Variants in HADH observed in about 807,000 individuals in gnomAD.
HADH encodes hydroxyacyl-coenzyme A dehydrogenase, mitochondrial.
A neutral mutation model predicts 32.2 loss-of-function variants in HADH; 24 were observed. The ratio of observed to expected loss-of-function variants is 0.75; its 90% confidence interval spans 0.54 to 1.05. The LOEUF (loss-of-function observed/expected upper bound fraction) is 1.05, where lower values mean the gene tolerates loss of function less well. Among genes scored for constraint, HADH ranks in the 50% least tolerant of loss-of-function variants. The pLI is 0.00. For synonymous variants in HADH, 139 were observed against 152.5 expected (o/e 0.91, Z 0.65); for missense variants, 350 against 397.1 (o/e 0.88, Z 1.01).
intron 5 of HADH, chr4:108,027,385 G>T (rs960244138): frequency 1.4e-4 from 66 of 465,508 alleles, no homozygotes; most frequent in African/African-American, 1.2e-3. Flanking sequence ...ATTCAAGATT[G>T]AACCCAAATC....
chr4:108,010,354 A>C (rs1455624712), intron 2 of HADH, among the ~76,000 whole-genome samples: 1 of 152,054 alleles, frequency 6.6e-6, no homozygotes, highest in Non-Finnish European at 1.5e-5. Context: ...AATTTGAGGA[A>C]CTCTGTGGAG....
intron 2 of HADH, among the ~76,000 whole-genome samples, chr4:108,010,989 C>T (rs1735472191): frequency 6.6e-6 from 1 of 151,982 alleles, no homozygotes; most frequent in South Asian, 2.1e-4. Flanking sequence ...GCTGGGATTA[C>T]AGGCGCACGC....
chr4:107,989,960 C>A lies in HADH; in HGVS notation c.28C>A (p.Arg10Ser). 6.2e-7 allele frequency: 1 copy of A among 1,612,964 alleles called. No individual in the cohort carries two copies. The highest frequency in any genetic ancestry group is 1.7e-4 in the Middle Eastern group (1 of 6,054). The change falls in exon 1 of 8, where the codon CGT becomes AGT. Residue 10 changes from arginine to serine, a missense_variant. By Grantham distance (110) the Arg-to-Ser change is moderately radical. Coordinates refer to ENST00000309522, the MANE Select transcript of HADH (RefSeq NM_005327.7). MAFVTRQFMRSVSSSSTASA... is the reference protein window; with the variant it reads MAFVTRQFMSSVSSSSTASA... ...GGCCTTCGTCACCAGGCAGTTCATG[C>A]GTTCCGTGTCCTCCTCGTCCACCGC...
intron 1 of HADH, chr4:108,004,496 C>T: frequency 2.2e-6 from 1 of 456,224 alleles, no homozygotes; most frequent in Non-Finnish European, 3.8e-6. Flanking sequence ...TACTCCAGTG[C>T]AGCTGCCTGG....
At chr4:107,998,562 G>T (rs1198293916) in intron 1 of HADH, among the ~76,000 whole-genome samples, 1 of 152,128 alleles carries the variant, frequency 6.6e-6, no homozygotes, top group African/African-American at 2.4e-5. Flanking sequence ...GCAAGTGTGA[G>T]CTACCGCGCC....
At chr4:107,995,031 T>G (rs1221764802) in intron 1 of HADH, among the ~76,000 whole-genome samples, 1 of 152,088 alleles carries the variant, frequency 6.6e-6, no homozygotes, top group Non-Finnish European at 1.5e-5. Flanking sequence ...CTTGCTTGAG[T>G]TTCTTCTTTC....
intron 1 of HADH, among the ~76,000 whole-genome samples, chr4:108,003,012 A>G (rs1735167294): frequency 6.6e-6 from 1 of 152,070 alleles, no homozygotes; most frequent in Non-Finnish European, 1.5e-5. Flanking sequence ...CTTTGTTACT[A>G]ACCTTTATGA....
intron 1 of HADH, chr4:108,004,561 T>TAACC: frequency 9.1e-7 from 1 of 1,097,566 alleles, no homozygotes; most frequent in Admixed American, 2.5e-5. Flanking sequence ...AATCAACATG[T>TAACC]AACCAAAAGC....
At chr4:108,009,257 A>G (rs1735397365) in intron 1 of HADH, among the ~76,000 whole-genome samples, 1 of 152,216 alleles carries the variant, frequency 6.6e-6, no homozygotes, top group Admixed American at 6.5e-5. Flanking sequence ...CCAAGGAGAA[A>G]AGGATGGTGG....
intron 3 of HADH, among the ~76,000 whole-genome samples, chr4:108,017,661 TCTC>T (rs1229879532): frequency 6.6e-6 from 1 of 151,834 alleles, no homozygotes; most frequent in African/African-American, 2.4e-5. Flanking sequence ...TTCAAGCAAT[TCTC>T]CTGCCTCAGC....
intron 1 of HADH, chr4:108,005,000 T>G: frequency 9.6e-7 from 1 of 1,040,532 alleles, no homozygotes; most frequent in Non-Finnish European, 1.4e-6. Context: ...TGTATTCAGT[T>G]TAAATGTTTA....
chr4:108,000,171 T>C (rs991071735), intron 1 of HADH, among the ~76,000 whole-genome samples: 5 of 152,214 alleles, frequency 3.3e-5, no homozygotes, highest in African/African-American at 1.2e-4. Flanking sequence ...TTTCATCATC[T>C]AAAGTTGGTG....
At chr4:108,023,857 C>T (rs1407724940) in intron 5 of HADH, 3 of 338,430 alleles carry the variant, frequency 8.9e-6, no homozygotes, top group Non-Finnish European at 1.7e-5. Context: ...CTTTTGTCTC[C>T]TGATGAATGG....
chr4:107,998,125 T>C (rs1735010327), intron 1 of HADH, among the ~76,000 whole-genome samples: 1 of 152,092 alleles, frequency 6.6e-6, no homozygotes, highest in South Asian at 2.1e-4. Context: ...ATGAATGACA[T>C]TTGGTCAGGA....
At chr4:108,000,304 A>G (rs566546239) in intron 1 of HADH, among the ~76,000 whole-genome samples, 1 of 152,208 alleles carries the variant, frequency 6.6e-6, no homozygotes, top group Non-Finnish European at 1.5e-5. Context: ...CAGCTATTAC[A>G]TATCAGTTTT....
chr4:108,017,222 T>C (rs1735721385), intron 3 of HADH, among the ~76,000 whole-genome samples: 1 of 152,208 alleles, frequency 6.6e-6, no homozygotes, highest in Non-Finnish European at 1.5e-5. Flanking sequence ...GAAGCCCTGA[T>C]GAAACAGTTG....
rs772843585 is a variant in HADH, at chr4:107,990,070, C to G, written c.132+6C>G. On this transcript the variant is annotated splice_donor_region_variant and intron_variant, in intron 1 of 7. Coordinates refer to ENST00000309522, the MANE Select transcript of HADH (RefSeq NM_005327.7). ...TGGGCGCCGGCATTGCCCAGGTGAGCGGCCCTCCCTGCAGCGTGCCCACGC... is the reference window on the plus strand; with the variant it reads ...TGGGCGCCGGCATTGCCCAGGTGAGGGGCCCTCCCTGCAGCGTGCCCACGC... The G allele has an allele frequency of 1.2e-6, 2 of 1,606,280 alleles. No individual in the cohort carries two copies. The highest frequency in any genetic ancestry group is 2.2e-5 in the South Asian group (2 of 89,618).
intron 1 of HADH, among the ~76,000 whole-genome samples, chr4:108,007,177 G>A (rs1352201585): frequency 2.6e-5 from 4 of 152,118 alleles, no homozygotes; most frequent in African/African-American, 9.7e-5. Context: ...TGCGATCTCG[G>A]CTCACTGCAA....
chr4:108,021,053 C>T (rs1160358044), intron 4 of HADH, among the ~76,000 whole-genome samples: 1 of 151,954 alleles, frequency 6.6e-6, no homozygotes, highest in Non-Finnish European at 1.5e-5. Flanking sequence ...CTATTTTCTC[C>T]TATCCCCTAA....
Sources: gnomAD v4.1 joint callset for allele counts (sites outside exome capture counted in the v4.1 genomes callset) on GRCh38, gnomAD v4.1.1 for gene constraint, MANE v1.5 for transcripts, NCBI Gene and HGNC (gene_info 2026-07-23, HGNC 2026-07-21) for gene names.